The following ADAMTS20 variants were observed in gnomAD, a reference collection of about 807,000 sequenced individuals.
The protein encoded by ADAMTS20 is A disintegrin and metalloproteinase with thrombospondin motifs 20.
ADAMTS20 carries 225 observed loss-of-function variants against 260.1 expected under a neutral mutation model. The observed-to-expected ratio is 0.87, with a 90% CI of 0.78 to 0.97. The LOEUF is 0.97. Ranked by LOEUF, ADAMTS20 falls within the 50% of genes least tolerant of loss-of-function variation. ADAMTS20 has a pLI of 0.00. For synonymous variants in ADAMTS20, 802 were observed against 769.5 expected, an observed-to-expected ratio of 1.04 and a Z score of -0.70; for missense variants, 2,400 against 2,337.7, an observed-to-expected ratio of 1.03 and a Z score of -0.55.
At chr12:43,461,050 GCGTGAT>G (rs1942056535) in intron 11 of ADAMTS20, among the ~76,000 whole-genome samples, 1 of 135,318 alleles carries the variant, frequency 7.4e-6, no homozygotes, top group African/African-American at 2.8e-5. Context: ...TAGTGCAAAG[GCGTGAT>G]CTCGGCTCAC....
chr12:43,421,661 A>G (rs890054956), intron 28 of ADAMTS20, among the ~76,000 whole-genome samples: 2 of 152,070 alleles, frequency 1.3e-5, no homozygotes, highest in African/African-American at 4.8e-5. Context: ...TATTAAATAA[A>G]TTTGCTTACA....
intron 4 of ADAMTS20, among the ~76,000 whole-genome samples, chr12:43,493,576 G>A (rs1592096392): frequency 6.6e-6 from 1 of 152,080 alleles, no homozygotes. Context: ...GCCCCACCCT[G>A]GATTAATGAT....
intron 2 of ADAMTS20, among the ~76,000 whole-genome samples, chr12:43,541,909 AC>A (rs890716204): frequency 6.6e-6 from 1 of 152,166 alleles, no homozygotes; most frequent in Admixed American, 6.6e-5. Flanking sequence ...CTGGTACCTT[AC>A]CTTTTTAAAA....
chr12:43,407,531 T>A (rs1294547222), intron 28 of ADAMTS20, among the ~76,000 whole-genome samples: 1 of 151,844 alleles, frequency 6.6e-6, no homozygotes, highest in Admixed American at 6.6e-5. Context: ...AGTTTTGTGA[T>A]TATTTTCACT....
At chr12:43,524,622 G>C (rs564399758) in intron 3 of ADAMTS20, among the ~76,000 whole-genome samples, 26 of 152,086 alleles carry the variant, frequency 1.7e-4, no homozygotes, top group African/African-American at 5.8e-4. Context: ...ACAATTCAGA[G>C]CATGAATGGA....
intron 37 of ADAMTS20, among the ~76,000 whole-genome samples, chr12:43,366,624 A>G (rs1939992366): frequency 6.6e-6 from 1 of 151,934 alleles, no homozygotes; most frequent in South Asian, 2.1e-4. Flanking sequence ...TTCCAGTCAC[A>G]ATAAAGGTTG....
In ADAMTS20 at chr12:43,376,075, G is replaced by A; in HGVS notation, c.5294C>T (p.Ser1765Phe). 1.2e-6 allele frequency: 2 copies of A among 1,609,818 alleles called. No individual in the cohort carries two copies. Among genetic ancestry groups the A allele is most frequent in the Non-Finnish European group, 1.7e-6 (2 of 1,178,204 alleles). The change falls in exon 35 of 39, where the codon TCT becomes TTT. Residue 1765 changes from serine (S) to phenylalanine (F), a missense_variant. Transcript: ENST00000389420. ...CTCGTACCTAAAGCCATACACTTCA[G>A]AAAAGTTTTCTTCACCTTGGACCAG... ...LTLVQGEENFSEVYGFRLKNP... is the reference protein window; with the variant it reads ...LTLVQGEENFFEVYGFRLKNP...
At chr12:43,396,566 T>C (rs934703097) in intron 29 of ADAMTS20, among the ~76,000 whole-genome samples, 1 of 152,094 alleles carries the variant, frequency 6.6e-6, no homozygotes, top group Non-Finnish European at 1.5e-5. Flanking sequence ...TGGCAGAGAT[T>C]TGGGGACTGT....
chr12:43,436,084 A>G (rs1428912424), intron 18 of ADAMTS20, among the ~76,000 whole-genome samples: 3 of 152,234 alleles, frequency 2.0e-5, no homozygotes, highest in Non-Finnish European at 4.4e-5. Flanking sequence ...AAAGAAGAAA[A>G]AAAGGAAAAG....
intron 37 of ADAMTS20, among the ~76,000 whole-genome samples, chr12:43,367,226 G>C (rs1013187825): frequency 2.6e-5 from 4 of 151,748 alleles, no homozygotes; most frequent in Admixed American, 6.6e-5. Context: ...ATACCAAAAT[G>C]AGACAGATAT....
At chr12:43,375,324 A>C in intron 36 of ADAMTS20, 55 bp downstream of exon 36, 1 of 1,567,674 alleles carries the variant, frequency 6.4e-7, no homozygotes, top group South Asian at 1.2e-5. Flanking sequence ...ATATTGTTTG[A>C]CGTTCATAAG....
intron 7 of ADAMTS20, among the ~76,000 whole-genome samples, chr12:43,475,832 C>T (rs1471740851): frequency 2.7e-5 from 4 of 145,756 alleles, no homozygotes; most frequent in Non-Finnish European, 6.0e-5. Context: ...ACACCTTATA[C>T]AAAAATCAAT....
At chr12:43,398,678 T>G (rs1203461966) in intron 29 of ADAMTS20, among the ~76,000 whole-genome samples, 1 of 152,140 alleles carries the variant, frequency 6.6e-6, no homozygotes, top group Non-Finnish European at 1.5e-5. Flanking sequence ...CTGCTAGTAT[T>G]CAGTAACAAA....
intron 11 of ADAMTS20, among the ~76,000 whole-genome samples, chr12:43,460,130 CTG>C (rs930717930): frequency 2.0e-5 from 3 of 152,226 alleles, no homozygotes; most frequent in Non-Finnish European, 2.9e-5. Flanking sequence ...TAGGGGTTCA[CTG>C]TGTTTTATTA....
At chr12:43,501,025 C>T (rs184439774) in intron 4 of ADAMTS20, among the ~76,000 whole-genome samples, 10 of 148,154 alleles carry the variant, frequency 6.7e-5, no homozygotes, top group East Asian at 2.0e-4. Context: ...TCCAAATACA[C>T]TGAATCTATA....
Position 43,408,680 on chromosome 12 carries a change from A to G in ADAMTS20, c.4285-9447T>C, listed in dbSNP as rs568455239. On this transcript the variant is annotated intron_variant, in intron 28 of 38. Transcript: ENST00000389420. ...TATTAATGTCTGTTTTCCATATGTA[A>G]AAAAAGCTGAGGGGAGAATGTTTTA... Among the ~76,000 whole-genome samples the G allele has an allele frequency of 5.3e-5, 8 of 152,322 alleles. No homozygotes were observed. In the South Asian group the frequency reaches 1.7e-3, roughly 32 times the overall value.
intron 7 of ADAMTS20, among the ~76,000 whole-genome samples, chr12:43,486,289 C>A (rs1942521901): frequency 6.6e-6 from 1 of 152,062 alleles, no homozygotes; most frequent in South Asian, 2.1e-4. Context: ...TTACAACTAA[C>A]TGATTTTTGA....
At chr12:43,361,231 G>A (rs1291727809) in intron 37 of ADAMTS20, among the ~76,000 whole-genome samples, 1 of 152,200 alleles carries the variant, frequency 6.6e-6, no homozygotes, top group Non-Finnish European at 1.5e-5. Flanking sequence ...AACAGAATAA[G>A]TTCTTTCTGT....
At chr12:43,424,024 A>G (rs1483671290) in intron 28 of ADAMTS20, 7 of 620,048 alleles carry the variant, frequency 1.1e-5, no homozygotes, top group Non-Finnish European at 2.9e-6. Context: ...CTCTTCAAAT[A>G]ACATGACTTG....
Sources: allele counts gnomAD v4.1 joint callset (sites outside exome capture counted in the v4.1 genomes callset), GRCh38; gene constraint gnomAD v4.1.1; transcripts MANE v1.5; gene names NCBI Gene and HGNC (gene_info 2026-07-23, HGNC 2026-07-21).